The following ERC2 variants were observed in gnomAD, a reference collection of about 807,000 sequenced individuals.
ERC2 encodes ERC protein 2.
Under a neutral mutation model 114.8 loss-of-function variants are expected in ERC2, and 42 were observed. The ratio of observed to expected loss-of-function variants is 0.37; its 90% CI spans 0.29 to 0.47. The LOEUF is 0.47. Ranked by LOEUF, ERC2 falls within the 20% of genes least tolerant of loss-of-function variation. The pLI, the probability that ERC2 is intolerant of heterozygous loss-of-function variation, is 0.99. For missense variants in ERC2, 939 were observed against 1,150.7 expected (o/e 0.82, Z 2.66); for synonymous variants, 454 against 425.5 (o/e 1.07, Z -0.82).
chr3:55,859,046 A>C (rs908321177), intron 14 of ERC2, among the ~76,000 whole-genome samples: 35 of 152,112 alleles, frequency 2.3e-4, no homozygotes, highest in Non-Finnish European at 4.4e-4. Flanking sequence ...CAATTCTATT[A>C]GTTGGACATG....
At chr3:55,608,113 G>A (rs1157760912) in intron 17 of ERC2, among the ~76,000 whole-genome samples, 1 of 152,134 alleles carries the variant, frequency 6.6e-6, no homozygotes, top group Non-Finnish European at 1.5e-5. Flanking sequence ...GCTTAAGACT[G>A]GGTAGTAAGC....
intron 12 of ERC2, among the ~76,000 whole-genome samples, chr3:55,965,855 T>C (rs962916559): frequency 6.6e-6 from 1 of 152,132 alleles, no homozygotes; most frequent in Non-Finnish European, 1.5e-5. Flanking sequence ...TGGTGGGTGG[T>C]GGATGAAGCA....
At chr3:56,321,674 T>G (rs148362764) in intron 2 of ERC2, among the ~76,000 whole-genome samples, 3 of 152,234 alleles carry the variant, frequency 2.0e-5, no homozygotes, top group Non-Finnish European at 4.4e-5. Context: ...TCTGATCAGT[T>G]GAGCCTACGT....
chr3:56,384,544 G>A (rs540011071), intron 2 of ERC2, among the ~76,000 whole-genome samples: 3 of 151,838 alleles, frequency 2.0e-5, no homozygotes, highest in Non-Finnish European at 4.4e-5. Flanking sequence ...TTTCCATCAG[G>A]TTGTTTGGTT....
intron 3 of ERC2, among the ~76,000 whole-genome samples, chr3:56,271,705 C>A: frequency 6.6e-6 from 1 of 152,098 alleles, no homozygotes; most frequent in East Asian, 1.9e-4. Context: ...TATTTCATCA[C>A]CCAGGTAATA....
At chr3:56,320,956 C>G (rs374730937) in intron 2 of ERC2, among the ~76,000 whole-genome samples, 1 of 152,252 alleles carries the variant, frequency 6.6e-6, no homozygotes, top group Non-Finnish European at 1.5e-5. Context: ...TCAATGACTC[C>G]GGCCAAGTAG....
At chr3:55,987,506 T>G (rs1166803080) in intron 11 of ERC2, among the ~76,000 whole-genome samples, 1 of 152,162 alleles carries the variant, frequency 6.6e-6, no homozygotes, top group Non-Finnish European at 1.5e-5. Flanking sequence ...TTCAAATACA[T>G]TAACAAATGT....
intron 12 of ERC2, among the ~76,000 whole-genome samples, chr3:55,966,017 T>G (rs752312108): frequency 2.0e-5 from 3 of 152,232 alleles, no homozygotes; most frequent in Non-Finnish European, 2.9e-5. Flanking sequence ...AAATGTCACC[T>G]GTTTCAGTTT....
At chr3:55,733,534 TCTCTCTCTCACACACACACACACA>T (rs2065421433) in intron 15 of ERC2, among the ~76,000 whole-genome samples, 6 of 55,470 alleles carry the variant, frequency 1.1e-4, no homozygotes, top group East Asian at 3.7e-4. Flanking sequence ...TCATTCTTTC[TCTCTCTCTCACACACACACACACA>T]CACACACACA....
At chr3:56,351,112 T>C (rs952728940) in intron 2 of ERC2, among the ~76,000 whole-genome samples, 3 of 152,100 alleles carry the variant, frequency 2.0e-5, no homozygotes, top group African/African-American at 7.2e-5. Flanking sequence ...TGGTATTTAA[T>C]AATATTTTGT....
chr3:56,015,284 G>A (rs1189725919), intron 8 of ERC2, among the ~76,000 whole-genome samples: 2 of 152,058 alleles, frequency 1.3e-5, no homozygotes, highest in African/African-American at 4.8e-5. Flanking sequence ...GTGTAATGGT[G>A]GTTTGCTGCA....
chr3:56,300,621 AATAC>A, intron 2 of ERC2, among the ~76,000 whole-genome samples: 1 of 152,252 alleles, frequency 6.6e-6, no homozygotes. Flanking sequence ...TATCATTTGT[AATAC>A]CACATGCCAT....
At chr3:56,135,154 T>G (rs192290206) in intron 6 of ERC2, among the ~76,000 whole-genome samples, 1 of 152,194 alleles carries the variant, frequency 6.6e-6, no homozygotes, top group East Asian at 1.9e-4. Flanking sequence ...GGTTTCACAA[T>G]GTTGGTCAGG....
At chr3:56,252,757 C>CAAAAAAAAAAAAA (rs71099628) in intron 3 of ERC2, among the ~76,000 whole-genome samples, 7 of 74,158 alleles carry the variant, frequency 9.4e-5, no homozygotes, top group Admixed American at 3.3e-4. Context: ...AACTCTGTCT[C>CAAAAAAAAAAAAA]AAAAAAAAAA....
intron 7 of ERC2, among the ~76,000 whole-genome samples, chr3:56,076,673 G>A (rs1449911055): frequency 6.6e-6 from 1 of 152,128 alleles, no homozygotes; most frequent in African/African-American, 2.4e-5. Context: ...TGTTAGTAGG[G>A]CCAAAAATCC....
chr3:55,654,029 G>T (rs2060755932), intron 17 of ERC2, among the ~76,000 whole-genome samples: 1 of 152,194 alleles, frequency 6.6e-6, no homozygotes, highest in Non-Finnish European at 1.5e-5. Flanking sequence ...ATCCAAGAAG[G>T]CCCAGATAGC....
intron 14 of ERC2, among the ~76,000 whole-genome samples, chr3:55,883,730 A>C (rs759231865): frequency 7.2e-5 from 11 of 152,178 alleles, no homozygotes; most frequent in Admixed American, 3.3e-4. Flanking sequence ...TCTACTAAAA[A>C]TACAAAAATT....
At chr3:56,177,945 A>G (rs955812924) in intron 3 of ERC2, among the ~76,000 whole-genome samples, 8 of 152,238 alleles carry the variant, frequency 5.3e-5, no homozygotes, top group African/African-American at 1.9e-4. Context: ...GTGGCATCAC[A>G]AAATTTAACA....
intron 3 of ERC2, among the ~76,000 whole-genome samples, chr3:56,286,802 C>T (rs375665447): frequency 5.1e-4 from 77 of 151,882 alleles, no homozygotes; most frequent in African/African-American, 1.8e-3. Context: ...CCACATTTGG[C>T]CCATAATCTA....
Sources: gnomAD v4.1 joint callset for allele counts (sites outside exome capture counted in the v4.1 genomes callset) on GRCh38, gnomAD v4.1.1 for gene constraint, MANE v1.5 for transcripts, NCBI Gene and HGNC (gene_info 2026-07-23, HGNC 2026-07-21) for gene names.